GRIP1: variants seen among roughly 807,000 people sequenced by gnomAD.
GRIP1 encodes glutamate receptor-interacting protein 1.
In GRIP1, 45 loss-of-function variants were observed where a neutral mutation model predicts 129.9. The observed-to-expected ratio is 0.35, with a 90% CI of 0.27 to 0.44. The LOEUF is 0.44. Ranked by LOEUF, GRIP1 falls within the 20% of genes least tolerant of loss-of-function variation. The pLI is 1.00. For missense variants in GRIP1, 1,196 were observed against 1,396.8 expected, an observed-to-expected ratio of 0.86 and a Z score of 2.29; for synonymous variants, 530 against 520.8, an observed-to-expected ratio of 1.02 and a Z score of -0.24.
At chr12:66,846,234 C>T (rs947355932) in intron 1 of GRIP1, among the ~76,000 whole-genome samples, 2 of 152,200 alleles carry the variant, frequency 1.3e-5, no homozygotes, top group Admixed American at 6.5e-5. Flanking sequence ...CTAAACTGTA[C>T]ATTTGATTGT....
At chr12:66,677,292 G>T (rs2034381044) in intron 1 of GRIP1, among the ~76,000 whole-genome samples, 1 of 152,120 alleles carries the variant, frequency 6.6e-6, no homozygotes, top group South Asian at 2.1e-4. Context: ...ACTATAAATT[G>T]CTTGGGTTCA....
chr12:66,739,912 AC>A (rs1298299880), intron 1 of GRIP1, among the ~76,000 whole-genome samples: 1 of 152,066 alleles, frequency 6.6e-6, no homozygotes, highest in Admixed American at 6.5e-5. Flanking sequence ...AGTAGTCTCT[AC>A]CCATCTTCCT....
intron 7 of GRIP1, among the ~76,000 whole-genome samples, chr12:66,496,734 C>T (rs1024315540): frequency 1.3e-5 from 2 of 152,102 alleles, no homozygotes; most frequent in Non-Finnish European, 2.9e-5. Flanking sequence ...GCCTGAAACC[C>T]TTCCACGTGG....
intron 1 of GRIP1, among the ~76,000 whole-genome samples, chr12:66,888,633 A>G (rs1467654545): frequency 6.6e-6 from 1 of 152,096 alleles, no homozygotes; most frequent in Non-Finnish European, 1.5e-5. Context: ...AAAGTGCTGG[A>G]ATTACAGGCA....
intron 1 of GRIP1, among the ~76,000 whole-genome samples, chr12:66,612,262 C>T (rs748353722): frequency 3.4e-4 from 51 of 152,144 alleles, no homozygotes; most frequent in Non-Finnish European, 6.9e-4. Flanking sequence ...GTCTACTACA[C>T]ACCTAGGCTA....
At chr12:66,354,049 T>C (rs1267340768) in intron 23 of GRIP1, among the ~76,000 whole-genome samples, 1 of 152,186 alleles carries the variant, frequency 6.6e-6, no homozygotes, top group Non-Finnish European at 1.5e-5. Flanking sequence ...TTCATCCTTT[T>C]ATTTGCTCTG....
chr12:66,426,649 G>T (rs1035665914), intron 14 of GRIP1, among the ~76,000 whole-genome samples: 11 of 152,088 alleles, frequency 7.2e-5, no homozygotes, highest in Admixed American at 7.2e-4. Flanking sequence ...TCTCTTAGCT[G>T]TCTGTTTATA....
intron 1 of GRIP1, among the ~76,000 whole-genome samples, chr12:66,606,367 C>G (rs1027367047): frequency 2.6e-5 from 4 of 152,156 alleles, no homozygotes; most frequent in African/African-American, 9.6e-5. Flanking sequence ...TTAGATGCCT[C>G]TTTCATTAAA....
chr12:66,463,712 C>T (rs1194063125), intron 8 of GRIP1, among the ~76,000 whole-genome samples: 1 of 152,070 alleles, frequency 6.6e-6, no homozygotes, highest in African/African-American at 2.4e-5. Context: ...AAAACCAGGC[C>T]TGCATGGTGA....
intron 5 of GRIP1, among the ~76,000 whole-genome samples, chr12:66,525,605 C>G (rs1333964514): frequency 6.6e-6 from 1 of 151,386 alleles, no homozygotes; most frequent in Non-Finnish European, 1.5e-5. Context: ...GAAGCATTCC[C>G]TCTGAAAACT....
intron 14 of GRIP1, among the ~76,000 whole-genome samples, chr12:66,423,213 A>C (rs2057869532): frequency 6.6e-6 from 1 of 152,218 alleles, no homozygotes; most frequent in Non-Finnish European, 1.5e-5. Flanking sequence ...GCTTGAGCAC[A>C]AAGTACTCAG....
chr12:67,035,215 A>G (rs923536144), intron 1 of GRIP1, among the ~76,000 whole-genome samples: 1 of 152,306 alleles, frequency 6.6e-6, no homozygotes, highest in South Asian at 2.1e-4. Context: ...TAGAAAAAAA[A>G]ACGTGTTTCC....
chr12:66,908,354 A>G (rs1226945313), intron 1 of GRIP1, among the ~76,000 whole-genome samples: 1 of 152,188 alleles, frequency 6.6e-6, no homozygotes, highest in Non-Finnish European at 1.5e-5. Flanking sequence ...AGTCCAGGAA[A>G]GTCTCTGTCA....
intron 9 of GRIP1, among the ~76,000 whole-genome samples, chr12:66,460,547 A>C (rs1414230596): frequency 6.6e-6 from 1 of 152,170 alleles, no homozygotes; most frequent in Non-Finnish European, 1.5e-5. Flanking sequence ...AGTGGGAAAA[A>C]TTTCTAACCT....
At chr12:66,692,128 G>A (rs2035003789) in intron 1 of GRIP1, among the ~76,000 whole-genome samples, 1 of 152,042 alleles carries the variant, frequency 6.6e-6, no homozygotes, top group Non-Finnish European at 1.5e-5. Context: ...TTCAGCATTG[G>A]CACCAATAGA....
At chr12:66,930,353 G>A (rs1271341720) in intron 1 of GRIP1, among the ~76,000 whole-genome samples, 10 of 147,320 alleles carry the variant, frequency 6.8e-5, no homozygotes, top group South Asian at 2.2e-4. Context: ...GAGAACATGC[G>A]ATGTTTGGTT....
intron 1 of GRIP1, among the ~76,000 whole-genome samples, chr12:66,769,792 C>T (rs879850838): frequency 6.6e-6 from 1 of 152,132 alleles, no homozygotes; most frequent in Non-Finnish European, 1.5e-5. Flanking sequence ...TACCTCTACA[C>T]CTCTTGAACT....
intron 23 of GRIP1, among the ~76,000 whole-genome samples, chr12:66,363,960 A>C (rs1026436476): frequency 5.9e-5 from 9 of 152,124 alleles, no homozygotes; most frequent in African/African-American, 2.2e-4. Flanking sequence ...TAAAAGAGAA[A>C]ATTTTAAATG....
intron 1 of GRIP1, among the ~76,000 whole-genome samples, chr12:66,766,192 T>C (rs906500484): frequency 1.3e-5 from 2 of 152,180 alleles, no homozygotes; most frequent in East Asian, 1.9e-4. Flanking sequence ...AATTGAAATA[T>C]CAAATCAAAG....
Sources: allele counts gnomAD v4.1 joint callset (sites outside exome capture counted in the v4.1 genomes callset), GRCh38; gene constraint gnomAD v4.1.1; transcripts MANE v1.5; gene names NCBI Gene and HGNC (gene_info 2026-07-23, HGNC 2026-07-21).